The following RUNX1 variants were observed in gnomAD, a reference collection of about 807,000 sequenced individuals.
The protein encoded by RUNX1 is runt-related transcription factor 1.
A neutral mutation model predicts 42.8 loss-of-function variants in RUNX1; 19 were observed. That is an observed-to-expected ratio of 0.44 (90% CI 0.31 to 0.65). The LOEUF (loss-of-function observed/expected upper bound fraction) is 0.65. Ranked by LOEUF, RUNX1 falls within the 30% of genes least tolerant of loss-of-function variation. RUNX1 has a pLI of 0.07. For synonymous variants in RUNX1, 271 were observed against 289.4 expected, an observed-to-expected ratio of 0.94 and a Z score of 0.64; for missense variants, 528 against 672.0, an observed-to-expected ratio of 0.79 and a Z score of 2.37.
intron 8 of RUNX1, among the ~76,000 whole-genome samples, chr21:34,793,420 C>G (rs2056479150): frequency 6.6e-6 from 1 of 151,840 alleles, no homozygotes; most frequent in South Asian, 2.1e-4. Context: ...TTGATATAAT[C>G]CTAGGGTTGG....
intron 2 of RUNX1, among the ~76,000 whole-genome samples, chr21:34,996,697 G>T (rs887593505): frequency 6.6e-6 from 1 of 151,924 alleles, no homozygotes; most frequent in African/African-American, 2.4e-5. Context: ...TATTGAAACT[G>T]TAAGTGGAAA....
At chr21:34,800,563 A>G (rs970876817) in intron 7 of RUNX1, among the ~76,000 whole-genome samples, 1 of 152,208 alleles carries the variant, frequency 6.6e-6, no homozygotes, top group Non-Finnish European at 1.5e-5. Context: ...TAAGTTTTGT[A>G]TAGGTCAGGA....
intron 2 of RUNX1, among the ~76,000 whole-genome samples, chr21:34,993,008 G>A (rs1372964665): frequency 2.6e-5 from 4 of 152,366 alleles, no homozygotes; most frequent in South Asian, 2.1e-4. Flanking sequence ...CAGGGTGGAC[G>A]GTTCCCTGAA....
intron 2 of RUNX1, among the ~76,000 whole-genome samples, chr21:34,991,303 T>C (rs2058936157): frequency 6.9e-6 from 1 of 145,912 alleles, no homozygotes; most frequent in Non-Finnish European, 1.5e-5. Flanking sequence ...TAGATACCCC[T>C]TGTTAAAGAG....
At chr21:35,040,834 G>T (rs1183788343) in intron 2 of RUNX1, among the ~76,000 whole-genome samples, 1 of 150,498 alleles carries the variant, frequency 6.6e-6, no homozygotes, top group Non-Finnish European at 1.5e-5. Context: ...TGTGACTATG[G>T]AATACCCTGC....
At chr21:34,820,376 A>G (rs1411365455) in intron 7 of RUNX1, among the ~76,000 whole-genome samples, 1 of 152,134 alleles carries the variant, frequency 6.6e-6, no homozygotes, top group Admixed American at 6.5e-5. Context: ...CCAGCCAGGC[A>G]TGGTGGCTCA....
At chr21:34,814,134 A>G (rs2056793824) in intron 7 of RUNX1, among the ~76,000 whole-genome samples, 1 of 152,182 alleles carries the variant, frequency 6.6e-6, no homozygotes, top group African/African-American at 2.4e-5. Flanking sequence ...TGAGATCCTG[A>G]GCTTGGTGAG....
intron 2 of RUNX1, among the ~76,000 whole-genome samples, chr21:34,909,249 C>T (rs2058251839): frequency 6.6e-6 from 1 of 152,248 alleles, no homozygotes; most frequent in Non-Finnish European, 1.5e-5. Flanking sequence ...AAGATTCTTG[C>T]TTCGCTTGCC....
chr21:34,820,464 A>G (rs1047016057), intron 7 of RUNX1, among the ~76,000 whole-genome samples: 2 of 152,084 alleles, frequency 1.3e-5, no homozygotes, highest in African/African-American at 4.8e-5. Flanking sequence ...AGCCTGGCCA[A>G]CATGCTGAAA....
chr21:34,850,187 AC>A (rs2057397380), intron 6 of RUNX1, among the ~76,000 whole-genome samples: 1 of 152,198 alleles, frequency 6.6e-6, no homozygotes, highest in South Asian at 2.1e-4. Context: ...GTGACTGCCA[AC>A]CGCAATCCAT....
chr21:35,025,746 G>C (rs774836270), intron 2 of RUNX1, among the ~76,000 whole-genome samples: 2 of 152,148 alleles, frequency 1.3e-5, no homozygotes, highest in Non-Finnish European at 2.9e-5. Context: ...CAGCCTCTCA[G>C]ATGAGAGGTG....
chr21:34,992,193 C>T (rs754715204), intron 2 of RUNX1, among the ~76,000 whole-genome samples: 6 of 152,196 alleles, frequency 3.9e-5, no homozygotes, highest in Non-Finnish European at 7.3e-5. Flanking sequence ...CTGCCCCTTC[C>T]CAGGACAGGG....
intron 2 of RUNX1, among the ~76,000 whole-genome samples, chr21:35,016,355 T>C (rs1257307737): frequency 1.3e-5 from 2 of 152,128 alleles, no homozygotes; most frequent in African/African-American, 2.4e-5. Flanking sequence ...AGAGCACTGG[T>C]GAGTCAGTTG....
rs573106168 is a variant in RUNX1, at chr21:34,885,317, G to A, written c.351+1526C>T. Among the ~76,000 whole-genome samples the A allele has an allele frequency of 3.3e-5, 5 of 152,232 alleles. No homozygotes were observed. The South Asian group carries it at 6.2e-4, about 19-fold the overall frequency. ...ACCCTGTTGGGTCCCCTCTCAATGC[G>A]GGTGCCCTAAAGAGTCATCGCTGAG... is the stretch of plus-strand genomic sequence containing the variant. On this transcript the variant is annotated intron_variant, in intron 4 of 8. Transcript: ENST00000675419.
chr21:34,986,988 C>T (rs2058892479), intron 2 of RUNX1, among the ~76,000 whole-genome samples: 1 of 152,198 alleles, frequency 6.6e-6, no homozygotes. Flanking sequence ...CCCAATGGGA[C>T]CGACATGATT....
chr21:35,009,654 C>T (rs2242883), intron 2 of RUNX1, among the ~76,000 whole-genome samples: 1 of 152,210 alleles, frequency 6.6e-6, no homozygotes, highest in African/African-American at 2.4e-5. Flanking sequence ...CATTTATGCA[C>T]TGTGACCTGG....
Position 34,892,852 on chromosome 21 carries a change from T to A in RUNX1, c.97+73A>T, listed in dbSNP as rs1178661806. On this transcript the variant is annotated intron_variant, in intron 3 of 8. Coordinates refer to ENST00000675419, the MANE Select transcript of RUNX1 (RefSeq NM_001754.5). ...ATCACAAGTTATACATAGAGATACATAGATATAAAATCATATACACATCTA... is the reference window on the plus strand; with the variant it reads ...ATCACAAGTTATACATAGAGATACAAAGATATAAAATCATATACACATCTA... The A allele has an allele frequency of 5.1e-5, 45 of 880,146 alleles. No individual in the cohort carries two copies. In the East Asian group the frequency reaches 1.1e-3, roughly 21 times the overall value. The allele number at this position is 880,146 out of a possible 1,614,324, so 54.5% of individuals were successfully genotyped here.
chr21:35,032,986 C>T (rs1451273867), intron 2 of RUNX1, among the ~76,000 whole-genome samples: 1 of 152,152 alleles, frequency 6.6e-6, no homozygotes, highest in Non-Finnish European at 1.5e-5. Flanking sequence ...ATCCATCTAT[C>T]CATCCATCCC....
At chr21:34,882,641 G>T (rs1245819937) in intron 4 of RUNX1, among the ~76,000 whole-genome samples, 2 of 151,208 alleles carry the variant, frequency 1.3e-5, no homozygotes, top group African/African-American at 2.4e-5. Flanking sequence ...GTTTTAAAAA[G>T]ATATCACGGA....
Sources: allele counts gnomAD v4.1 joint callset (sites outside exome capture counted in the v4.1 genomes callset), GRCh38; gene constraint gnomAD v4.1.1; transcripts MANE v1.5; gene names NCBI Gene and HGNC (gene_info 2026-07-23, HGNC 2026-07-21).